BICDL1: variants seen among roughly 807,000 people sequenced by gnomAD.
BICDL1 encodes BICD family like cargo adaptor 1.
In BICDL1, 20 loss-of-function variants were observed where a neutral mutation model predicts 76.8. The ratio of observed to expected loss-of-function variants is 0.26; its 90% CI spans 0.18 to 0.38. The LOEUF is 0.38. BICDL1 is among the 10% of genes least tolerant of loss of function. The pLI is 1.00. For missense variants in BICDL1, 700 were observed against 798.6 expected, an observed-to-expected ratio of 0.88 and a Z score of 1.49; for synonymous variants, 383 against 337.1, an observed-to-expected ratio of 1.14 and a Z score of -1.49.
intron 1 of BICDL1, among the ~76,000 whole-genome samples, chr12:119,991,437 CTG>C: frequency 6.6e-6 from 1 of 152,282 alleles, no homozygotes; most frequent in African/African-American, 2.4e-5. Flanking sequence ...AAAAGGAAAC[CTG>C]TGAGTGCCCT....
At chr12:120,092,180 AC>A (rs1257552803) in intron 9 of BICDL1, 1 of 985,236 alleles carries the variant, frequency 1.0e-6, no homozygotes, top group African/African-American at 1.7e-5. Flanking sequence ...GAATCTAGCC[AC>A]CAAAATGGGA....
intron 7 of BICDL1, among the ~76,000 whole-genome samples, chr12:120,077,531 CAGTT>C (rs1168304925): frequency 2.0e-5 from 3 of 152,084 alleles, no homozygotes; most frequent in Non-Finnish European, 4.4e-5. Context: ...GCAGGAGGCT[CAGTT>C]AGAAGCATCC....
At chr12:120,053,898 T>C (rs1026919817) in intron 2 of BICDL1, among the ~76,000 whole-genome samples, 1 of 151,988 alleles carries the variant, frequency 6.6e-6, no homozygotes, top group South Asian at 2.1e-4. Context: ...TAAGGCCAGG[T>C]GCAGTGGCTC....
chr12:119,992,701 T>A (rs1248969507), intron 1 of BICDL1: 1 of 152,118 alleles, frequency 6.6e-6, no homozygotes. Context: ...TTCAATTAAA[T>A]CAAACACTTG....
chr12:120,089,254 G>A (rs1874721101), intron 8 of BICDL1, among the ~76,000 whole-genome samples: 2 of 151,810 alleles, frequency 1.3e-5, no homozygotes, highest in Non-Finnish European at 2.9e-5. Context: ...CCTTATTTTA[G>A]TATTGTCCTT....
intron 2 of BICDL1, among the ~76,000 whole-genome samples, chr12:120,026,437 TA>T (rs1007567331): frequency 3.4e-4 from 52 of 151,388 alleles, no homozygotes; most frequent in African/African-American, 6.1e-4. Flanking sequence ...AGTGAAGTTC[TA>T]AAAAAAAATA....
intron 1 of BICDL1, among the ~76,000 whole-genome samples, chr12:119,996,665 TATATAC>T (rs1951652340): frequency 2.9e-5 from 4 of 137,878 alleles, no homozygotes; most frequent in Non-Finnish European, 4.5e-5. Flanking sequence ...GAACCCAGTA[TATATAC>T]ATATACAGAT....
chr12:120,092,470 C>G (rs1030930118), intron 9 of BICDL1: 1 of 985,368 alleles, frequency 1.0e-6, no homozygotes, highest in African/African-American at 1.7e-5. Context: ...CCACGTGAGG[C>G]TGCCGTTGGT....
intron 3 of BICDL1, among the ~76,000 whole-genome samples, chr12:120,062,822 T>C (rs1000077130): frequency 6.6e-6 from 1 of 152,170 alleles, no homozygotes; most frequent in Non-Finnish European, 1.5e-5. Context: ...TTTGTGTGCA[T>C]GACTTGCCAT....
chr12:119,996,140 A>G (rs1167579759), intron 1 of BICDL1, among the ~76,000 whole-genome samples: 3 of 152,142 alleles, frequency 2.0e-5, no homozygotes, highest in Admixed American at 6.5e-5. Flanking sequence ...GTCTTTTTCA[A>G]CAGATACACT....
intron 2 of BICDL1, among the ~76,000 whole-genome samples, chr12:120,022,494 A>G (rs373313524): frequency 8.1e-5 from 12 of 147,360 alleles, no homozygotes; most frequent in East Asian, 1.9e-4. Flanking sequence ...ATTTTTGTGT[A>G]TATATATATA....
At chr12:120,059,478 G>A (rs564830690) in intron 2 of BICDL1, among the ~76,000 whole-genome samples, 3 of 152,162 alleles carry the variant, frequency 2.0e-5, no homozygotes, top group Admixed American at 1.3e-4. Context: ...GTTTCACCAT[G>A]TTGGCCAAGC....
Position 120,071,822 on chromosome 12 carries a change from C to A in BICDL1, c.1089+21C>A. ...AGCAGGTGCTGACCTGCCTGTCACC[C>A]CACAGGCGAGGCTACCTGGGGTTGC... On this transcript the variant is annotated intron_variant, in intron 5 of 9. Coordinates refer to ENST00000548673, the MANE Select transcript of BICDL1 (RefSeq NM_001367886.1). This position sits in a 1 kb window ranked among gnomAD's most constrained non-coding sequence, Gnocchi z 4.8. The A allele has an allele frequency of 6.3e-7, 1 of 1,576,346 alleles. No individual in the cohort carries two copies. Among genetic ancestry groups the A allele is most frequent in the Non-Finnish European group, 8.6e-7 (1 of 1,162,470 alleles).
chr12:120,045,890 G>A (rs1952739176), intron 2 of BICDL1, among the ~76,000 whole-genome samples: 1 of 140,106 alleles, frequency 7.1e-6, no homozygotes, highest in South Asian at 2.4e-4. Flanking sequence ...TGCACATTGT[G>A]CACATGTACC....
intron 1 of BICDL1, among the ~76,000 whole-genome samples, chr12:119,994,347 T>G (rs1951591547): frequency 6.6e-6 from 1 of 152,042 alleles, no homozygotes; most frequent in Non-Finnish European, 1.5e-5. Flanking sequence ...CAGTACTTTT[T>G]CAGAACCATG....
chr12:120,051,322 A>G (rs994380475), intron 2 of BICDL1, among the ~76,000 whole-genome samples: 8 of 152,222 alleles, frequency 5.3e-5, no homozygotes, highest in Non-Finnish European at 1.2e-4. Context: ...CTGGGATTAC[A>G]GGCGTGAGCC....
intron 2 of BICDL1, among the ~76,000 whole-genome samples, chr12:120,035,701 A>G (rs1952518404): frequency 6.6e-6 from 1 of 152,220 alleles, no homozygotes; most frequent in Non-Finnish European, 1.5e-5. Flanking sequence ...AAACATAAAC[A>G]TACATATTAA....
intron 7 of BICDL1, among the ~76,000 whole-genome samples, chr12:120,077,856 G>A (rs187004335): frequency 1.1e-3 from 158 of 148,202 alleles, no homozygotes; most frequent in African/African-American, 3.7e-3. Context: ...AAAGTGGGAC[G>A]CCCCTTACAA....
At chr12:120,072,407 C>T (rs1316590882) in intron 5 of BICDL1, 104 bp from the exon 6 acceptor site, 2 of 1,006,126 alleles carry the variant, frequency 2.0e-6, no homozygotes, top group East Asian at 2.4e-5. Context: ...TCTTCTAGAA[C>T]TGGTGTCTTG....
Sources: gnomAD v4.1 joint callset for allele counts (sites outside exome capture counted in the v4.1 genomes callset) on GRCh38, gnomAD v4.1.1 for gene constraint, Gnocchi (gnomAD v3.1) non-coding constraint, MANE v1.5 for transcripts, NCBI Gene and HGNC (gene_info 2026-07-23, HGNC 2026-07-21) for gene names.